Variants in TTI1 observed in about 807,000 individuals in gnomAD.
The protein encoded by TTI1 is TELO2 interacting protein 1, also known as TELO2-interacting protein 1 homolog.
Under a neutral mutation model 85.4 loss-of-function variants are expected in TTI1, and 52 were observed. The observed-to-expected ratio is 0.61, with a 90% CI of 0.49 to 0.77. The LOEUF is 0.77. Ranked by LOEUF, TTI1 falls within the 30% of genes least tolerant of loss-of-function variation. The pLI, the probability that TTI1 is intolerant of heterozygous loss-of-function variation, is 0.00. For missense variants in TTI1, 1,173 were observed against 1,296.0 expected, an observed-to-expected ratio of 0.91 and a Z score of 1.46; for synonymous variants, 512 against 503.9, an observed-to-expected ratio of 1.02 and a Z score of -0.22.
chr20:37,986,785 A>C (rs1166822178), intron 7 of TTI1, among the ~76,000 whole-genome samples: 1 of 152,218 alleles, frequency 6.6e-6, no homozygotes, highest in Non-Finnish European at 1.5e-5. Flanking sequence ...TCTGAGGCAT[A>C]ATTAACACCA....
chr20:37,983,407 G>T lies in TTI1; in HGVS notation c.*49C>A. On this transcript the variant is annotated 3_prime_UTR_variant, in exon 8 of 8. Coordinates refer to ENST00000373447, the MANE Select transcript of TTI1 (RefSeq NM_001303457.2). The stretch of plus-strand genomic sequence containing the variant: ...CCGGGGTGGGGTCAGCCCAGCTTCT[G>T]GCTGGCAGTAGGGGAGGGATCGGTG... 6.3e-7 allele frequency: 1 copy of T among 1,577,470 alleles called. No homozygotes were observed.
At chr20:38,017,157 G>A (rs1252030047) in intron 1 of TTI1, among the ~76,000 whole-genome samples, 1 of 152,184 alleles carries the variant, frequency 6.6e-6, no homozygotes, top group Non-Finnish European at 1.5e-5. Flanking sequence ...TGAGAGGGCA[G>A]GGCAATCCTA....
chr20:38,010,995 G>GT (rs1366520832), intron 2 of TTI1, among the ~76,000 whole-genome samples: 1 of 152,176 alleles, frequency 6.6e-6, no homozygotes, highest in African/African-American at 2.4e-5. Context: ...GTGTATAGTG[G>GT]TAACTGTACT....
rs761788337 is a variant in TTI1 at position 38,013,860 on chromosome 20, G to A, written c.-41-3C>T. The A allele has an allele frequency of 6.4e-7, 1 of 1,566,804 alleles. No homozygotes were observed. Among genetic ancestry groups the A allele is most frequent in the Non-Finnish European group, 8.6e-7 (1 of 1,161,906 alleles). On this transcript the variant is annotated splice_region_variant and splice_polypyrimidine_tract_variant and intron_variant, in intron 1 of 7. Coordinates refer to ENST00000373447, the MANE Select transcript of TTI1 (RefSeq NM_001303457.2). ...TCATTGAGGAAACATCCTGCAGGCT[G>A]GAGGAAGGAAACTGTTCAGTAAAAA...
intron 1 of TTI1, among the ~76,000 whole-genome samples, chr20:38,020,317 A>ATATATATATAT (rs1568628878): frequency 1.6e-4 from 7 of 44,040 alleles, no homozygotes; most frequent in African/African-American, 1.0e-3. Context: ...TATGAAAAAA[A>ATATATATATAT]AAAAAAATAT....
chr20:38,033,244 C>T (rs2073944149), intron 1 of TTI1, among the ~76,000 whole-genome samples, 160 bp downstream of exon 1: 1 of 152,156 alleles, frequency 6.6e-6, no homozygotes, highest in African/African-American at 2.4e-5. Flanking sequence ...GAGCCGAACA[C>T]ATATGGAGGA....
At chr20:37,986,174 A>C (rs2073187572) in intron 7 of TTI1, among the ~76,000 whole-genome samples, 1 of 152,186 alleles carries the variant, frequency 6.6e-6, no homozygotes, top group Non-Finnish European at 1.5e-5. Flanking sequence ...CAAGAGCTGG[A>C]ACAATTTCTC....
At chr20:38,017,459 G>A (rs188382168) in intron 1 of TTI1, among the ~76,000 whole-genome samples, 9 of 151,672 alleles carry the variant, frequency 5.9e-5, no homozygotes, top group Middle Eastern at 3.4e-3. Context: ...TGGTGTGTGC[G>A]CACGAGCCTT....
intron 5 of TTI1, among the ~76,000 whole-genome samples, chr20:37,998,771 GC>G (rs1233126765): frequency 6.6e-6 from 1 of 152,184 alleles, no homozygotes; most frequent in East Asian, 1.9e-4. Flanking sequence ...TAGAACCTCA[GC>G]CCCTTCGCCT....
intron 1 of TTI1, among the ~76,000 whole-genome samples, chr20:38,019,428 T>A (rs953533448): frequency 3.9e-5 from 6 of 152,002 alleles, no homozygotes; most frequent in African/African-American, 1.4e-4. Flanking sequence ...GGGAAGGAGT[T>A]AAGTGTCTAA....
Position 38,012,524 on chromosome 20 carries a change from T to C in TTI1, c.1293A>G (p.Ala431=), listed in dbSNP as rs755313483. The C allele has an allele frequency of 7.4e-6, 12 of 1,614,062 alleles. No individual in the cohort carries two copies. The highest frequency in any genetic ancestry group is 1.0e-5 in the Non-Finnish European group (12 of 1,180,050). ...SVAHLQRLSK[A]LIQVLELDVA... is the part of the protein sequence containing the mutation. The stretch of plus-strand genomic sequence containing the variant: ...CGTCTAGCTCTAGAACTTGGATGAG[T>C]GCTTTGGAAAGCCGCTGGAGATGGG... The change falls in exon 2 of 8, where the codon GCA becomes GCG. Residue 431 remains alanine, a synonymous_variant. Coordinates refer to ENST00000373447, the MANE Select transcript of TTI1 (RefSeq NM_001303457.2).
In TTI1 at chr20:37,983,197, G is replaced by T; in HGVS notation, c.*259C>A. ...TGAGGGAGCTGGGGCTATAGAGATG[G>T]TAGGCTAAGGGGTTAAACCCTTAGA... On this transcript the variant is annotated 3_prime_UTR_variant, in exon 8 of 8. Coordinates refer to ENST00000373447, the MANE Select transcript of TTI1 (RefSeq NM_001303457.2). 1 of 389,820 alleles carries T rather than the reference G, an allele frequency of 2.6e-6. No individual in the cohort carries two copies. The allele number at this position is 389,820 out of a possible 1,614,324, so 24.1% of individuals were successfully genotyped here. A position where few individuals can be genotyped will look rare whatever the true frequency, so the allele number is the denominator to read the frequency against.
intron 1 of TTI1, among the ~76,000 whole-genome samples, chr20:38,029,371 G>A (rs1355199932): frequency 6.6e-6 from 1 of 151,800 alleles, no homozygotes; most frequent in African/African-American, 2.4e-5. Flanking sequence ...AGTCTCAAAC[G>A]AAAAAGGTAA....
intron 1 of TTI1, among the ~76,000 whole-genome samples, chr20:38,015,137 T>C (rs2073662776): frequency 6.6e-6 from 1 of 152,154 alleles, no homozygotes; most frequent in Non-Finnish European, 1.5e-5. Flanking sequence ...GGCTATAGAT[T>C]GGCAGGCAAG....
chr20:38,010,484 T>TC (rs1384410884), intron 2 of TTI1, among the ~76,000 whole-genome samples: 57 of 148,210 alleles, frequency 3.8e-4, no homozygotes, highest in African/African-American at 1.3e-3. Flanking sequence ...TTTTTTTTTT[T>TC]TTTTGAGACA....
At chr20:37,987,093 G>A (rs754600721) in intron 7 of TTI1, 20 of 448,116 alleles carry the variant, frequency 4.5e-5, no homozygotes, top group South Asian at 1.9e-4. Flanking sequence ...CTCTAAACAC[G>A]ACAAATTCCA....
rs1600665422 is a variant in TTI1 at position 38,032,254 on chromosome 20, T to A, written c.-42+1150A>T. Reference sequence around the variant, plus strand: ...GATTAAATGAGTTACTGTGTGGGAATTGTGTCTAGCACATAGTAACCTCTC... The same window carrying A: ...GATTAAATGAGTTACTGTGTGGGAAATGTGTCTAGCACATAGTAACCTCTC... On this transcript the variant is annotated intron_variant, in intron 1 of 7. Coordinates refer to ENST00000373447, the MANE Select transcript of TTI1 (RefSeq NM_001303457.2). Among the ~76,000 whole-genome samples, 4 of 152,370 alleles carry A rather than the reference T, an allele frequency of 2.6e-5. No individual in the cohort carries two copies. The Middle Eastern group carries it at 0.014, about 518-fold the overall frequency.
chr20:38,012,623 G>C lies in TTI1; in HGVS notation c.1194C>G (p.Phe398Leu), dbSNP rs370007131. The C allele has an allele frequency of 1.9e-6, 3 of 1,614,092 alleles. No individual in the cohort carries two copies. The highest frequency in any genetic ancestry group is 1.7e-6 in the Non-Finnish European group (2 of 1,180,058). The change falls in exon 2 of 8, where the codon TTC becomes TTG. Residue 398 changes from phenylalanine to leucine, a missense_variant. Coordinates refer to ENST00000373447, the MANE Select transcript of TTI1 (RefSeq NM_001303457.2). ...LMNSQDDQGK[F>L]STLSLLLGYL... ...AACCAAGTAACAAGGAAAGAGTAGA[G>C]AATTTGCCCTGGTCATCTTGGGAGT...
intron 1 of TTI1, among the ~76,000 whole-genome samples, chr20:38,027,029 T>G (rs2073845152): frequency 1.3e-5 from 2 of 152,114 alleles, no homozygotes; most frequent in Admixed American, 1.3e-4. Context: ...CTCAGAAACA[T>G]CATAGATAAA....
Sources: allele counts gnomAD v4.1 joint callset (sites outside exome capture counted in the v4.1 genomes callset), GRCh38; gene constraint gnomAD v4.1.1; transcripts MANE v1.5; gene names NCBI Gene and HGNC (gene_info 2026-07-23, HGNC 2026-07-21).